The following PPM1D variants were observed in gnomAD, a reference collection of about 807,000 sequenced individuals.
PPM1D encodes the protein protein phosphatase 1D.
A neutral mutation model predicts 58.3 loss-of-function variants in PPM1D; 52 were observed. The observed-to-expected ratio is 0.89, with a 90% CI of 0.71 to 1.12. PPM1D has a LOEUF of 1.12. PPM1D is among the 50% of genes most tolerant of loss of function. The probability of loss-of-function intolerance (pLI) is 0.00; values close to 1 mark genes in which losing one functional copy is unlikely to be tolerated. For synonymous variants in PPM1D, 278 were observed against 285.1 expected (o/e 0.98, Z 0.25); for missense variants, 564 against 777.2 (o/e 0.73, Z 3.26).
At chr17:60,617,389 G>C (rs2030606584) in intron 1 of PPM1D, among the ~76,000 whole-genome samples, 1 of 151,616 alleles carries the variant, frequency 6.6e-6, no homozygotes, top group Non-Finnish European at 1.5e-5. Context: ...TAAAAAGAAA[G>C]AGGATAGCCA....
At chr17:60,632,640 G>A (rs79832517) in intron 2 of PPM1D, among the ~76,000 whole-genome samples, 7,091 of 152,212 alleles carry the variant, frequency 0.047, 586 homozygotes, top group African/African-American at 0.16. Context: ...TGGGAGGATG[G>A]CTTAAGCCCA....
chr17:60,659,916 A>G (rs2031499037), intron 5 of PPM1D, among the ~76,000 whole-genome samples: 1 of 152,242 alleles, frequency 6.6e-6, no homozygotes, highest in Non-Finnish European at 1.5e-5. Flanking sequence ...TCAGAATAAT[A>G]TTCTGTGCAT....
chr17:60,656,720 A>G lies in PPM1D; in HGVS notation c.1139A>G (p.Asp380Gly). Reference sequence around the variant, plus strand: ...GTAATCTGCATCTCTCCAGAAGTGGACAATCAGGGAAACTTTACCAATGAA... The same window carrying G: ...GTAATCTGCATCTCTCCAGAAGTGGGCAATCAGGGAAACTTTACCAATGAA... ...AIVICISPEVDNQGNFTNEDE... is the reference protein window; with the variant it reads ...AIVICISPEVGNQGNFTNEDE... The change falls in exon 5 of 6, where the codon GAC becomes GGC. Residue 380 changes from aspartate to glycine, a missense_variant. Physicochemically the swap from Asp to Gly is moderately conservative, Grantham distance 94. Around this residue, in one of 7 missense-constraint regions of PPM1D, gnomAD observed 261 missense variants for 270.1 expected, o/e 0.97. Coordinates refer to ENST00000305921, the MANE Select transcript of PPM1D (RefSeq NM_003620.4). 2.5e-6 allele frequency: 4 copies of G among 1,614,218 alleles called. No homozygotes were observed. Among genetic ancestry groups the G allele is most frequent in the Non-Finnish European group, 1.7e-6 (2 of 1,180,046 alleles).
chr17:60,629,131 G>A (rs1053528681), intron 2 of PPM1D, among the ~76,000 whole-genome samples: 2 of 152,148 alleles, frequency 1.3e-5, no homozygotes, highest in African/African-American at 4.8e-5. Flanking sequence ...CACCTCTGTT[G>A]TAAGACAGCA....
intron 1 of PPM1D, among the ~76,000 whole-genome samples, chr17:60,618,294 G>A (rs1008933209): frequency 1.1e-4 from 16 of 152,278 alleles, no homozygotes; most frequent in African/African-American, 3.1e-4. Flanking sequence ...TGTTGTGTAT[G>A]TATGTTAATT....
intron 1 of PPM1D, among the ~76,000 whole-genome samples, chr17:60,617,547 G>A (rs2030609372): frequency 6.8e-6 from 1 of 146,088 alleles, no homozygotes; most frequent in East Asian, 2.0e-4. Flanking sequence ...TTGAGACCCT[G>A]TTGTTAAAAA....
intron 3 of PPM1D, among the ~76,000 whole-genome samples, chr17:60,641,547 A>C (rs2031134482): frequency 6.6e-6 from 1 of 151,994 alleles, no homozygotes. Flanking sequence ...TTGTCTGTTT[A>C]CTCTGTTGAT....
chr17:60,605,022 A>G (rs2030300536), intron 1 of PPM1D, among the ~76,000 whole-genome samples: 1 of 152,190 alleles, frequency 6.6e-6, no homozygotes, highest in Admixed American at 6.5e-5. Context: ...GGGTTTCGCC[A>G]TGTTGGCCAG....
At chr17:60,621,229 A>G (rs2030694351) in intron 1 of PPM1D, among the ~76,000 whole-genome samples, 1 of 152,144 alleles carries the variant, frequency 6.6e-6, no homozygotes, top group South Asian at 2.1e-4. Flanking sequence ...GGCCTGAGTT[A>G]TGCTTTCAAT....
At chr17:60,613,122 G>A (rs1055253165) in intron 1 of PPM1D, among the ~76,000 whole-genome samples, 1 of 151,950 alleles carries the variant, frequency 6.6e-6, no homozygotes, top group African/African-American at 2.4e-5. Flanking sequence ...GTGGAATTGG[G>A]GAATTGTGTA....
At position 60,661,219 on chromosome 17, in the gene PPM1D, C is replaced by CAAA. The variant is rs373913706; in HGVS notation, c.1261-1757_1261-1755dup. Among the ~76,000 whole-genome samples the CAAA allele has an allele frequency of 4.6e-3, 223 of 48,834 alleles. 7 individuals are homozygous for CAAA. The highest frequency in any genetic ancestry group is 0.012 in the African/African-American group (207 of 16,840). 32.0% of individuals were successfully genotyped at this position (48,834 alleles called of 152,430 possible). The stretch of plus-strand genomic sequence containing the variant: ...GGGCAACAAGAGCGAAACTCCATCT[C>CAAA]AAAAAAAAAAAAAAAAAAAAAGGAA... On this transcript the variant is annotated intron_variant, in intron 5 of 5. Coordinates refer to ENST00000305921, the MANE Select transcript of PPM1D (RefSeq NM_003620.4).
At chr17:60,618,943 A>C (rs1032510058) in intron 1 of PPM1D, among the ~76,000 whole-genome samples, 1 of 152,204 alleles carries the variant, frequency 6.6e-6, no homozygotes, top group Non-Finnish European at 1.5e-5. Context: ...TCAAGTATAC[A>C]AAACAGTATT....
At chr17:60,642,216 T>C (rs778244992) in intron 3 of PPM1D, among the ~76,000 whole-genome samples, 41 of 152,278 alleles carry the variant, frequency 2.7e-4, no homozygotes, top group Admixed American at 1.4e-3. Context: ...GGTCAGATTC[T>C]AGGGACTTTT....
At position 60,613,795 on chromosome 17, in the gene PPM1D, G is replaced by A. The variant is rs546572318; in HGVS notation, c.473-9726G>A. 2.1e-4 allele frequency among the ~76,000 whole-genome samples: 32 copies of A among 152,316 alleles called. No individual in the cohort carries two copies. The South Asian group carries it at 3.9e-3, about 19-fold the overall frequency. ...AGAGGGTGCGCCGGGTCCCCCAGCAGTGCTGGCCCACCGGCGCTGCGCTGG... is the reference window on the plus strand; with the variant it reads ...AGAGGGTGCGCCGGGTCCCCCAGCAATGCTGGCCCACCGGCGCTGCGCTGG... On this transcript the variant is annotated intron_variant, in intron 1 of 5. Coordinates refer to ENST00000305921, the MANE Select transcript of PPM1D (RefSeq NM_003620.4).
chr17:60,638,623 C>T (rs1351626252), intron 3 of PPM1D, among the ~76,000 whole-genome samples: 2 of 152,182 alleles, frequency 1.3e-5, no homozygotes, highest in Non-Finnish European at 2.9e-5. Flanking sequence ...CCCACCTCTG[C>T]TTCCCAAAGT....
chr17:60,659,980 G>C (rs1353821026), intron 5 of PPM1D, among the ~76,000 whole-genome samples: 1 of 152,226 alleles, frequency 6.6e-6, no homozygotes, highest in Non-Finnish European at 1.5e-5. Flanking sequence ...GGGAGGCCGA[G>C]GCGGGTGGAT....
intron 1 of PPM1D, among the ~76,000 whole-genome samples, chr17:60,622,162 C>T (rs1395428770): frequency 1.3e-5 from 2 of 151,124 alleles, no homozygotes; most frequent in Admixed American, 6.6e-5. Context: ...TGCTCTCCAG[C>T]CTGGACGACA....
chr17:60,635,462 G>A (rs1446709850), intron 3 of PPM1D, among the ~76,000 whole-genome samples: 4 of 151,978 alleles, frequency 2.6e-5, no homozygotes, highest in African/African-American at 9.7e-5. Flanking sequence ...TGATCTGCCC[G>A]CCTTGGCCTC....
intron 3 of PPM1D, among the ~76,000 whole-genome samples, chr17:60,644,397 A>G (rs539177590): frequency 1.6e-3 from 241 of 152,178 alleles, no homozygotes; most frequent in African/African-American, 5.7e-3. Context: ...CCACCTCCCA[A>G]AGTGCTGGGA....
Sources: allele counts gnomAD v4.1 joint callset (sites outside exome capture counted in the v4.1 genomes callset), GRCh38; gene constraint gnomAD v4.1.1; regional missense constraint gnomAD v4.1.1; transcripts MANE v1.5; gene names NCBI Gene and HGNC (gene_info 2026-07-23, HGNC 2026-07-21).